The following COL14A1 variants were observed in gnomAD, a reference collection of about 807,000 sequenced individuals.
COL14A1 encodes the protein collagen type XIV alpha 1 chain.
Under a neutral mutation model 230.3 loss-of-function variants are expected in COL14A1, and 136 were observed. The observed-to-expected ratio is 0.59, with a 90% CI of 0.51 to 0.68. The LOEUF is 0.68. COL14A1 is among the 30% of genes least tolerant of loss of function. COL14A1 has a pLI of 0.00. For synonymous variants in COL14A1, 792 were observed against 784.1 expected (o/e 1.01, Z -0.17); for missense variants, 1,976 against 2,215.8 (o/e 0.89, Z 2.17).
At chr8:120,315,731 C>G in intron 39 of COL14A1, 145 bp downstream of exon 39, 1 of 800,600 alleles carries the variant, frequency 1.2e-6, no homozygotes, top group South Asian at 1.7e-5. Flanking sequence ...ACCCTAAGCC[C>G]CTTTTGAGAG....
chr8:120,162,423 T>C lies in COL14A1; in HGVS notation c.206-3T>C, dbSNP rs558908749. The C allele has an allele frequency of 1.9e-6, 3 of 1,594,212 alleles. No homozygotes were observed. In the African/African-American group the frequency reaches 4.1e-5, roughly 22 times the overall value. On this transcript the variant is annotated splice_region_variant and splice_polypyrimidine_tract_variant and intron_variant, in intron 3 of 47. Coordinates refer to ENST00000297848, the MANE Select transcript of COL14A1 (RefSeq NM_021110.4). Reference sequence around the variant, plus strand: ...ACTGATTTATTTTTCTCTTTTATTATAGGTGGAAAAACTAACCAGCTGAAT... The same window carrying C: ...ACTGATTTATTTTTCTCTTTTATTACAGGTGGAAAAACTAACCAGCTGAAT...
chr8:120,135,221 TG>T (rs1453428210), intron 1 of COL14A1, among the ~76,000 whole-genome samples: 1 of 152,184 alleles, frequency 6.6e-6, no homozygotes, highest in Admixed American at 6.5e-5. Context: ...GTATATAAAC[TG>T]GCATAATCTC....
chr8:120,366,112 A>C (rs1391709478), intron 45 of COL14A1, among the ~76,000 whole-genome samples: 2 of 152,264 alleles, frequency 1.3e-5, no homozygotes, highest in Non-Finnish European at 2.9e-5. Context: ...TGGAAGTTAT[A>C]AACTAAGATG....
chr8:120,325,718 C>T (rs1165057220), intron 40 of COL14A1, among the ~76,000 whole-genome samples: 2 of 152,054 alleles, frequency 1.3e-5, no homozygotes, highest in African/African-American at 2.4e-5. Context: ...GTCCGGAACC[C>T]CCGACCTCCA....
Position 120,162,567 on chromosome 8 carries a change from G to A in COL14A1, c.347G>A (p.Arg116Lys), listed in dbSNP as rs1815716782. 7 of 1,602,238 alleles carry A rather than the reference G, an allele frequency of 4.4e-6. No individual in the cohort carries two copies. The highest frequency in any genetic ancestry group is 6.0e-6 in the Non-Finnish European group (7 of 1,175,536). The change falls in exon 4 of 48, where the codon AGA becomes AAA. Residue 116 changes from arginine (R) to lysine (K), a missense_variant and splice_region_variant. By Grantham distance (26) the Arg-to-Lys change is conservative. Transcript: ENST00000297848. ...KESKPAQGQF[R>K]IKDLEKRKDP... ...AGCAAGCCAGCTCAAGGCCAATTCA[G>A]AAGTACGTATTTACAGTTCTCAAAG... is the stretch of plus-strand genomic sequence containing the variant.
chr8:120,299,227 G>C (rs192926749), intron 35 of COL14A1, among the ~76,000 whole-genome samples: 1 of 151,964 alleles, frequency 6.6e-6, no homozygotes, highest in Admixed American at 6.6e-5. Flanking sequence ...AAGACTTACC[G>C]TATCAAAAAG....
At chr8:120,315,608 T>A (rs368372135) in intron 39 of COL14A1, 22 bp downstream of exon 39, 8 of 1,597,966 alleles carry the variant, frequency 5.0e-6, no homozygotes, top group Non-Finnish European at 5.1e-6. Context: ...GTTTTTTAAG[T>A]CTATTGCTCT....
chr8:120,155,210 T>C (rs1815429314), intron 2 of COL14A1, among the ~76,000 whole-genome samples: 1 of 152,206 alleles, frequency 6.6e-6, no homozygotes, highest in South Asian at 2.1e-4. Flanking sequence ...AATGGGAATG[T>C]AGACAGTTGA....
Position 120,341,272 on chromosome 8 carries a change from C to T in COL14A1, c.4786-53C>T, listed in dbSNP as rs78825007. The T allele has an allele frequency of 2.1e-4, 326 of 1,558,788 alleles. 2 individuals are homozygous for T. In the East Asian group the frequency reaches 6.9e-3, roughly 33 times the overall value. The stretch of plus-strand genomic sequence containing the variant: ...AATAAGAAAAGATGCATGATTATCA[C>T]TCTTAGCTAAGTGCAATATCATAAG... On this transcript the variant is annotated intron_variant, in intron 42 of 47. Coordinates refer to ENST00000297848, the MANE Select transcript of COL14A1 (RefSeq NM_021110.4).
At position 120,212,538 on chromosome 8, in the gene COL14A1, G is replaced by C. The variant is rs780795981; in HGVS notation, c.1558G>C (p.Glu520Gln). 6.2e-7 allele frequency: 1 copy of C among 1,613,604 alleles called. No individual in the cohort carries two copies. Among genetic ancestry groups the C allele is most frequent in the Non-Finnish European group, 8.5e-7 (1 of 1,179,718 alleles). Residue 520 changes from glutamate to glutamine, a missense_variant, in exon 13 of 48, where the codon GAA becomes CAA. Physicochemically the swap from Glu to Gln is conservative, Grantham distance 29. This residue lies in a region of COL14A1 where 1,791 missense variants were observed against 2,019.5 expected (regional missense o/e 0.89). Transcript: ENST00000297848. ...YTVTVYAMFGEEASDPVTGQE... is the reference protein window; with the variant it reads ...YTVTVYAMFGQEASDPVTGQE... ...AGTCACAGTTTATGCCATGTTTGGA[G>C]AAGAGGCCAGTGATCCTGTTACGGG...
chr8:120,209,896 A>C lies in COL14A1; in HGVS notation c.1462A>C (p.Lys488Gln). 6.2e-7 allele frequency: 1 copy of C among 1,603,880 alleles called. No individual in the cohort carries two copies. The highest frequency in any genetic ancestry group is 2.2e-5 in the East Asian group (1 of 44,684). The change falls in exon 12 of 48, where the codon AAA becomes CAA. Residue 488 changes from lysine (K) to glutamine (Q), a missense_variant. Around this residue, in one of 3 missense-constraint regions of COL14A1, gnomAD observed 1,791 missense variants for 2,019.5 expected, o/e 0.89. Transcript: ENST00000297848. ...AACAGAGGGCCTGGCTGGGGATGAA[A>C]AAGAGGTAACCACTTCCTACCTATT... is the stretch of plus-strand genomic sequence containing the variant. Reference protein sequence around the residue: ...PLTEGLAGDEKEMKIGETHTD... With the variant: ...PLTEGLAGDEQEMKIGETHTD...
At chr8:120,341,474 GTC>G in intron 43 of COL14A1, 114 bp downstream of exon 43, 1 of 1,142,806 alleles carries the variant, frequency 8.8e-7, no homozygotes, top group Non-Finnish European at 1.3e-6. Context: ...AATTGTACCA[GTC>G]TCTGTTTCTC....
Position 120,266,860 on chromosome 8 carries a change from C to A in COL14A1, c.3050C>A (p.Pro1017Gln), listed in dbSNP as rs962158088. The stretch of plus-strand genomic sequence containing the variant: ...CCTACACGACCACCAACTTTTCCTC[C>A]AACCATTCCACCAGCAAAAGAAGGT... ...SLPTRPPTFPPTIPPAKEVCK... is the reference protein window; with the variant it reads ...SLPTRPPTFPQTIPPAKEVCK... Residue 1017 changes from proline to glutamine, a missense_variant, in exon 25 of 48, where the codon CCA (proline) becomes CAA (glutamine). Around this residue, in one of 3 missense-constraint regions of COL14A1, gnomAD observed 1,791 missense variants for 2,019.5 expected, o/e 0.89. Transcript: ENST00000297848. 3.1e-6 allele frequency: 5 copies of A among 1,611,890 alleles called. No homozygotes were observed. In the African/African-American group the frequency reaches 5.4e-5, roughly 17 times the overall value.
intron 4 of COL14A1, among the ~76,000 whole-genome samples, chr8:120,165,498 A>G (rs1421091497): frequency 6.6e-6 from 1 of 152,224 alleles, no homozygotes; most frequent in African/African-American, 2.4e-5. Context: ...GAGGGTGATG[A>G]TATGCCTATT....
chr8:120,303,379 C>T (rs1266894439), intron 36 of COL14A1, among the ~76,000 whole-genome samples: 3 of 152,104 alleles, frequency 2.0e-5, no homozygotes, highest in Non-Finnish European at 4.4e-5. Context: ...GCAGGTTTGT[C>T]ATATATGGCT....
chr8:120,144,928 C>T (rs1016042417), intron 1 of COL14A1, among the ~76,000 whole-genome samples: 17 of 151,714 alleles, frequency 1.1e-4, no homozygotes, highest in African/African-American at 4.1e-4. Context: ...AGAAAAAGAT[C>T]AAGTCAGATT....
At chr8:120,189,439 T>C (rs1816745477) in intron 5 of COL14A1, among the ~76,000 whole-genome samples, 1 of 151,978 alleles carries the variant, frequency 6.6e-6, no homozygotes, top group Non-Finnish European at 1.5e-5. Context: ...TGAAAAAATA[T>C]CTTCCTATGA....
Position 120,247,694 on chromosome 8 carries a change from C to T in COL14A1, c.2561C>T (p.Ser854Phe), listed in dbSNP as rs1162292969. The T allele has an allele frequency of 6.2e-6, 10 of 1,613,964 alleles. No homozygotes were observed. Among genetic ancestry groups the T allele is most frequent in the Non-Finnish European group, 8.5e-6 (10 of 1,179,984 alleles). The change falls in exon 21 of 48, where the codon TCC becomes TTC. Residue 854 changes from serine to phenylalanine, a missense_variant. Coordinates refer to ENST00000297848, the MANE Select transcript of COL14A1 (RefSeq NM_021110.4). ...RLRITWDPPS[S>F]PVKGYRIVYK... is the part of the protein sequence containing the mutation. Reference sequence around the variant, plus strand: ...CGCATTACGTGGGACCCCCCATCTTCCCCGGTGAAAGGCTATAGAATTGTC... The same window carrying T: ...CGCATTACGTGGGACCCCCCATCTTTCCCGGTGAAAGGCTATAGAATTGTC...
intron 5 of COL14A1, among the ~76,000 whole-genome samples, chr8:120,168,694 A>C (rs972934061): frequency 1.3e-5 from 2 of 152,186 alleles, no homozygotes; most frequent in African/African-American, 2.4e-5. Flanking sequence ...TGGGATTCAG[A>C]TCACAGAGTT....
Sources: gnomAD v4.1 joint callset for allele counts (sites outside exome capture counted in the v4.1 genomes callset) on GRCh38, gnomAD v4.1.1 for gene constraint, gnomAD v4.1.1 regional missense constraint, MANE v1.5 for transcripts, NCBI Gene and HGNC (gene_info 2026-07-23, HGNC 2026-07-21) for gene names.